NACC1: variants seen among roughly 807,000 people sequenced by gnomAD.
The protein encoded by NACC1 is nucleus accumbens associated 1.
In NACC1, 6 loss-of-function variants were observed where a neutral mutation model predicts 41.7. The ratio of observed to expected loss-of-function variants is 0.14; its 90% confidence interval spans 0.08 to 0.28. NACC1 has a LOEUF of 0.28. Ranked by LOEUF, NACC1 falls within the 10% of genes least tolerant of loss-of-function variation. The pLI, the probability that NACC1 is intolerant of heterozygous loss-of-function variation, is 1.00. For synonymous variants in NACC1, 338 were observed against 330.6 expected (o/e 1.02, Z -0.24); for missense variants, 434 against 763.7 (o/e 0.57, Z 5.09).
Position 13,138,306 on chromosome 19 carries a change from A to C in NACC1, c.1484A>C (p.Glu495Ala). Reference protein sequence around the residue: ...EDDAYTTFISETGKIEPDMMG... With the variant: ...EDDAYTTFISATGKIEPDMMG... ...GACGCCTACACCACCTTCATCAGTG[A>C]AACGGGCAAGATCGAGCCGGACATG... The change falls in exon 6 of 6, where the codon GAA (glutamate) becomes GCA (alanine). Residue 495 changes from glutamate to alanine, a missense_variant. Glu to Ala is a moderately radical substitution (Grantham distance 107). Coordinates refer to ENST00000292431, the MANE Select transcript of NACC1 (RefSeq NM_052876.4). The surrounding 1 kb of genome is among the most constrained non-coding windows in gnomAD (Gnocchi z 5.7). The C allele has an allele frequency of 6.2e-7, 1 of 1,614,200 alleles. No homozygotes were observed. The highest frequency in any genetic ancestry group is 8.5e-7 in the Non-Finnish European group (1 of 1,180,022).
chr19:13,133,851 CTGTTCT>C (rs1171176161), intron 1 of NACC1, among the ~76,000 whole-genome samples: 1 of 152,110 alleles, frequency 6.6e-6, no homozygotes, highest in Non-Finnish European at 1.5e-5. Flanking sequence ...AACCGTCAGA[CTGTTCT>C]CCATGGTGGC....
chr19:13,138,283 C>T lies in NACC1; in HGVS notation c.1461C>T (p.Asp487=), dbSNP rs142534277. The part of the protein sequence containing the change: ...PKVKVLKAED[D]AYTTFISETG... ...TCAAGGTGCTCAAGGCTGAGGATGACGCCTACACCACCTTCATCAGTGAAA... is the reference window on the plus strand; with the variant it reads ...TCAAGGTGCTCAAGGCTGAGGATGATGCCTACACCACCTTCATCAGTGAAA... The change falls in exon 6 of 6, where the codon GAC becomes GAT. Residue 487 remains aspartate (D), a synonymous_variant. Coordinates refer to ENST00000292431, the MANE Select transcript of NACC1 (RefSeq NM_052876.4). The surrounding 1 kb of genome is among the most constrained non-coding windows in gnomAD (Gnocchi z 5.7). 2.2e-5 allele frequency: 36 copies of T among 1,614,094 alleles called. No individual in the cohort carries two copies. The highest frequency in any genetic ancestry group is 6.7e-5 in the East Asian group (3 of 44,894).
chr19:13,137,470 G>T lies in NACC1; in HGVS notation c.1227-8G>T. On this transcript the variant is annotated splice_region_variant and splice_polypyrimidine_tract_variant and intron_variant, in intron 4 of 5. Coordinates refer to ENST00000292431, the MANE Select transcript of NACC1 (RefSeq NM_052876.4). The surrounding 1 kb of genome is among the most constrained non-coding windows in gnomAD (Gnocchi z 6.1). ...AGCGCTGACTCCCTCCATGTCCCCT[G>T]CCCCCAGGAACACGCTGGCCAACAG... 1 of 1,607,780 alleles carries T rather than the reference G, an allele frequency of 6.2e-7. No homozygotes were observed. The highest frequency in any genetic ancestry group is 8.5e-7 in the Non-Finnish European group (1 of 1,177,324).
At position 13,137,640 on chromosome 19, in the gene NACC1, C is replaced by A; in HGVS notation, c.1324+65C>A. 1 of 1,379,254 alleles carries A rather than the reference C, an allele frequency of 7.3e-7. No homozygotes were observed. Among genetic ancestry groups the A allele is most frequent in the Non-Finnish European group, 1.0e-6 (1 of 1,002,344 alleles). 85.4% of individuals were successfully genotyped at this position (1,379,254 alleles called of 1,614,324 possible). ...CACGCAGGTTGACGTTTTTTCCCAG[C>A]CTTGGCTCTCAGAGAGGGCTAGAGT... On this transcript the variant is annotated intron_variant, in intron 5 of 5. Transcript: ENST00000292431. This position sits in a 1 kb window ranked among gnomAD's most constrained non-coding sequence, Gnocchi z 6.1.
rs958510740 is a variant in NACC1, at chr19:13,135,851, G to A, written c.644G>A (p.Arg215Gln). ...TCCACGCCGGACCTGGCTGCCAACC[G>A]GCCTCACCAGCCCCCGCCACCCCAA... ...KFSTPDLAAN[R>Q]PHQPPPPQQA... Residue 215 changes from arginine to glutamine, a missense_variant, in exon 2 of 6, where the codon CGG becomes CAG. Transcript: ENST00000292431. 1.9e-6 allele frequency: 3 copies of A among 1,552,820 alleles called. No homozygotes were observed. Among genetic ancestry groups the A allele is most frequent in the Non-Finnish European group, 2.6e-6 (3 of 1,151,360 alleles).
Position 13,138,055 on chromosome 19 carries a change from G to A in NACC1, c.1325-92G>A, listed in dbSNP as rs1304144800. 3 of 1,545,862 alleles carry A rather than the reference G, an allele frequency of 1.9e-6. No individual in the cohort carries two copies. The highest frequency in any genetic ancestry group is 1.8e-5 in the Admixed American group (1 of 57,104). ...GGCCTCACTCGTTTCCCCTTTGAGA[G>A]GGAGTCGCAGATGCTGTAGGGGAGC... On this transcript the variant is annotated intron_variant, in intron 5 of 5. Coordinates refer to ENST00000292431, the MANE Select transcript of NACC1 (RefSeq NM_052876.4). This position sits in a 1 kb window ranked among gnomAD's most constrained non-coding sequence, Gnocchi z 5.7.
In NACC1 at chr19:13,138,056, G is replaced by A. The variant is rs888843820; in HGVS notation, c.1325-91G>A. On this transcript the variant is annotated intron_variant, in intron 5 of 5. Coordinates refer to ENST00000292431, the MANE Select transcript of NACC1 (RefSeq NM_052876.4). This position sits in a 1 kb window ranked among gnomAD's most constrained non-coding sequence, Gnocchi z 5.7. ...GCCTCACTCGTTTCCCCTTTGAGAG[G>A]GAGTCGCAGATGCTGTAGGGGAGCT... is the stretch of plus-strand genomic sequence containing the variant. 11 of 1,546,030 alleles carry A rather than the reference G, an allele frequency of 7.1e-6. No individual in the cohort carries two copies. The highest frequency in any genetic ancestry group is 5.3e-5 in the Admixed American group (3 of 57,136).
chr19:13,135,954 A>G lies in NACC1; in HGVS notation c.747A>G (p.Ala249=). The change falls in exon 2 of 6, where the codon GCA becomes GCG. Residue 249 remains alanine (A), a synonymous_variant. Transcript: ENST00000292431. ...AGQPAGGVAA[A]GGVVSGPSTS... ...AGCCAGCCGGTGGGGTGGCAGCAGCAGGGGGTGTGGTGAGTGGGCCCAGCA... is the reference window on the plus strand; with the variant it reads ...AGCCAGCCGGTGGGGTGGCAGCAGCGGGGGGTGTGGTGAGTGGGCCCAGCA... The G allele has an allele frequency of 6.2e-7, 1 of 1,601,394 alleles. No individual in the cohort carries two copies. Among genetic ancestry groups the G allele is most frequent in the Non-Finnish European group, 8.5e-7 (1 of 1,175,072 alleles).
In NACC1 at chr19:13,138,726, G is replaced by A. The variant is rs773037078; in HGVS notation, c.*320G>A. The stretch of plus-strand genomic sequence containing the variant: ...CCACCAGGGGAGGGGGCTGGCCTGG[G>A]GGTCTTGGGAAGGCCCCTCCCCAGG... On this transcript the variant is annotated 3_prime_UTR_variant, in exon 6 of 6. Coordinates refer to ENST00000292431, the MANE Select transcript of NACC1 (RefSeq NM_052876.4). This position sits in a 1 kb window ranked among gnomAD's most constrained non-coding sequence, Gnocchi z 5.7. 5.6e-4 allele frequency: 209 copies of A among 375,116 alleles called. No individual in the cohort carries two copies. The highest frequency in any genetic ancestry group is 6.8e-4 in the Non-Finnish European group (135 of 199,816). 23.2% of individuals were successfully genotyped at this position (375,116 alleles called of 1,614,324 possible). A position where few individuals can be genotyped will look rare whatever the true frequency, so the allele number is the denominator to read the frequency against.
chr19:13,129,404 G>T (rs948267356), intron 1 of NACC1, among the ~76,000 whole-genome samples: 1 of 152,052 alleles, frequency 6.6e-6, no homozygotes, highest in African/African-American at 2.4e-5. Context: ...TCTTGCAGGG[G>T]CCCACATAGT....
chr19:13,122,959 G>GGCT (rs1167809911), intron 1 of NACC1, among the ~76,000 whole-genome samples: 1 of 152,202 alleles, frequency 6.6e-6, no homozygotes, highest in Non-Finnish European at 1.5e-5. Context: ...CTTGTGAGGT[G>GGCT]GCTGCTGCTG....
chr19:13,140,958 C>T lies in NACC1; in HGVS notation c.*2552C>T, dbSNP rs1421487718. 1 of 152,508 alleles carries T rather than the reference C, an allele frequency of 6.6e-6. No homozygotes were observed. Among genetic ancestry groups the T allele is most frequent in the Non-Finnish European group, 1.5e-5 (1 of 68,000 alleles). The allele number at this position is 152,508 out of a possible 1,614,324, so 9.4% of individuals were successfully genotyped here. A position where few individuals can be genotyped will look rare whatever the true frequency, so the allele number is the denominator to read the frequency against. ...CAACCCACACCTCTTTCACGCAGGA[C>T]AGGCTGCCCACCCTGTCCACGTGAA... On this transcript the variant is annotated 3_prime_UTR_variant, in exon 6 of 6. Transcript: ENST00000292431. The surrounding 1 kb of genome is among the most constrained non-coding windows in gnomAD (Gnocchi z 4.0).
intron 1 of NACC1, among the ~76,000 whole-genome samples, chr19:13,129,133 G>T (rs1253067406): frequency 6.6e-6 from 1 of 152,156 alleles, no homozygotes; most frequent in East Asian, 1.9e-4. Flanking sequence ...GGAGGAAGAG[G>T]GTATTCCAGG....
chr19:13,119,734 G>A (rs1164409592), intron 1 of NACC1, among the ~76,000 whole-genome samples: 5 of 152,222 alleles, frequency 3.3e-5, no homozygotes, highest in African/African-American at 4.8e-5. Context: ...AGGGCACAGA[G>A]AAGAGTTAAG....
chr19:13,136,351 C>A lies in NACC1; in HGVS notation c.1066C>A (p.His356Asn). The A allele has an allele frequency of 6.2e-7, 1 of 1,614,150 alleles. No individual in the cohort carries two copies. Among genetic ancestry groups the A allele is most frequent in the Non-Finnish European group, 8.5e-7 (1 of 1,180,032 alleles). The change falls in exon 3 of 6, where the codon CAC becomes AAC. Residue 356 changes from histidine to asparagine, a missense_variant. His to Asn is a moderately conservative substitution (Grantham distance 68). Transcript: ENST00000292431. The surrounding 1 kb of genome is among the most constrained non-coding windows in gnomAD (Gnocchi z 5.5). Reference sequence around the variant, plus strand: ...TATCAACCAGATTGGGAACCGCTGCCACCCCAAGCTCTACGACGAGGGCGA... The same window carrying A: ...TATCAACCAGATTGGGAACCGCTGCAACCCCAAGCTCTACGACGAGGGCGA... ...ELINQIGNRC[H>N]PKLYDEGDPS...
At chr19:13,117,136 C>T (rs1245991286), upstream of NACC1, 1 of 152,246 alleles carries the variant, frequency 6.6e-6, no homozygotes, top group Non-Finnish European at 1.5e-5. Flanking sequence ...ATCGTGGTTT[C>T]TCAGATAGAG....
At chr19:13,125,236 C>T (rs2019547071) in intron 1 of NACC1, among the ~76,000 whole-genome samples, 1 of 152,116 alleles carries the variant, frequency 6.6e-6, no homozygotes, top group South Asian at 2.1e-4. Context: ...TGGGAAGTCC[C>T]ATATCACGGT....
At position 13,138,069 on chromosome 19, in the gene NACC1, C is replaced by G; in HGVS notation, c.1325-78C>G. The G allele has an allele frequency of 6.4e-7, 1 of 1,569,138 alleles. No individual in the cohort carries two copies. The highest frequency in any genetic ancestry group is 8.7e-7 in the Non-Finnish European group (1 of 1,155,670). On this transcript the variant is annotated intron_variant, in intron 5 of 5. Coordinates refer to ENST00000292431, the MANE Select transcript of NACC1 (RefSeq NM_052876.4). The surrounding 1 kb of genome is among the most constrained non-coding windows in gnomAD (Gnocchi z 5.7). Reference sequence around the variant, plus strand: ...CCCCTTTGAGAGGGAGTCGCAGATGCTGTAGGGGAGCTGGTGAGTAGGCCT... The same window carrying G: ...CCCCTTTGAGAGGGAGTCGCAGATGGTGTAGGGGAGCTGGTGAGTAGGCCT...
At chr19:13,126,368 C>T (rs867474410) in intron 1 of NACC1, among the ~76,000 whole-genome samples, 3 of 152,186 alleles carry the variant, frequency 2.0e-5, no homozygotes, top group African/African-American at 7.2e-5. Context: ...CTTCTTAATA[C>T]CACTACATTG....
Sources: allele counts gnomAD v4.1 joint callset (sites outside exome capture counted in the v4.1 genomes callset), GRCh38; gene constraint gnomAD v4.1.1; non-coding constraint Gnocchi (gnomAD v3.1); transcripts MANE v1.5; gene names NCBI Gene and HGNC (gene_info 2026-07-23, HGNC 2026-07-21).